Variants in RGS3 observed in about 807,000 individuals in gnomAD.
The protein encoded by RGS3 is regulator of G-protein signalling 3.
A neutral mutation model predicts 132.6 loss-of-function variants in RGS3; 80 were observed. The observed-to-expected ratio is 0.60, with a 90% CI of 0.50 to 0.73. The LOEUF is 0.73. Among genes scored for constraint, RGS3 ranks in the 30% least tolerant of loss-of-function variants. RGS3 has a pLI of 0.00. For synonymous variants in RGS3, 598 were observed against 620.6 expected (o/e 0.96, Z 0.54); for missense variants, 1,382 against 1,530.8 (o/e 0.90, Z 1.62).
chr9:113,536,481 T>A, intron 18 of RGS3: 1 of 1,046,278 alleles, frequency 9.6e-7, no homozygotes, highest in Non-Finnish European at 1.2e-6. Context: ...TGCTTTGTGC[T>A]GCCTGCCCCT....
intron 17 of RGS3, among the ~76,000 whole-genome samples, chr9:113,525,122 G>A (rs1832145477): frequency 6.6e-6 from 1 of 152,160 alleles, no homozygotes; most frequent in Non-Finnish European, 1.5e-5. Context: ...GGTTGGTGTG[G>A]GAGAGGGGCC....
Position 113,510,940 on chromosome 9 carries a change from C to A in RGS3, c.1477+2360C>A, listed in dbSNP as rs77241884. Among the ~76,000 whole-genome samples the A allele has an allele frequency of 1.1e-3, 171 of 152,314 alleles. 1 individual carries two copies. In the East Asian group the frequency reaches 0.029, roughly 25 times the overall value. ...TTCCCTTAAACACACTTGGGATTGT[C>A]CAGAGGTTAAGGCTGTCACCAGGGT... On this transcript the variant is annotated intron_variant, in intron 14 of 24. Coordinates refer to ENST00000350696, the Ensembl canonical transcript of RGS3.
chr9:113,575,951 T>C (rs531264220), intron 19 of RGS3, among the ~76,000 whole-genome samples: 12 of 152,116 alleles, frequency 7.9e-5, no homozygotes, highest in Non-Finnish European at 1.5e-4. Context: ...ATCCAGTGGG[T>C]GTGAATTGAG....
At chr9:113,485,875 G>A (rs1421940980) in intron 7 of RGS3, among the ~76,000 whole-genome samples, 182 bp downstream of exon 5, 2 of 152,194 alleles carry the variant, frequency 1.3e-5, no homozygotes, top group East Asian at 3.8e-4. Flanking sequence ...ACCAAGGACT[G>A]TGTTATCAAT....
intron 19 of RGS3, among the ~76,000 whole-genome samples, chr9:113,539,383 C>A (rs1014729724): frequency 1.3e-5 from 2 of 152,156 alleles, no homozygotes; most frequent in Non-Finnish European, 2.9e-5. Context: ...GATCTCAGCT[C>A]GCTGCAGCCT....
At chr9:113,446,654 A>G (rs887925841) in intron 1 of RGS3, among the ~76,000 whole-genome samples, 2 of 152,162 alleles carry the variant, frequency 1.3e-5, no homozygotes, top group African/African-American at 2.4e-5. Context: ...GTCTGTGCCT[A>G]TTGTTTTCAT....
intron 19 of RGS3, among the ~76,000 whole-genome samples, chr9:113,562,683 ATCTT>A (rs1833845136): frequency 6.6e-6 from 1 of 152,062 alleles, no homozygotes; most frequent in Non-Finnish European, 1.5e-5. Context: ...GGCCACCTAG[ATCTT>A]ACCACTCTCT....
chr9:113,594,097 G>C (rs765245767), intron 21 of RGS3: 6 of 1,612,888 alleles, frequency 3.7e-6, no homozygotes, highest in Non-Finnish European at 5.1e-6. Flanking sequence ...CCTCCTGTCT[G>C]AGTCCCAGCC....
intron 20 of RGS3, among the ~76,000 whole-genome samples, chr9:113,589,517 G>T (rs928797206): frequency 2.0e-5 from 3 of 152,320 alleles, no homozygotes; most frequent in Admixed American, 2.0e-4. Context: ...TCCCAGCAGC[G>T]CAGAGGCTGA....
At chr9:113,584,474 A>T (rs1835019938) in intron 20 of RGS3, 47 bp downstream of exon 18, 4 of 1,485,692 alleles carry the variant, frequency 2.7e-6, no homozygotes, top group African/African-American at 2.8e-5. Flanking sequence ...CAATGTGGGG[A>T]GGGCTGGCCC....
intron 7 of RGS3, among the ~76,000 whole-genome samples, chr9:113,488,127 A>G (rs1830394774): frequency 2.6e-5 from 4 of 152,086 alleles, no homozygotes; most frequent in Admixed American, 2.6e-4. Flanking sequence ...GGGAAAACAG[A>G]CTCAGGCCAT....
At chr9:113,469,435 G>C (rs979342887) in intron 3 of RGS3, among the ~76,000 whole-genome samples, 3 of 152,182 alleles carry the variant, frequency 2.0e-5, no homozygotes, top group African/African-American at 7.2e-5. Flanking sequence ...CTGCTCAGGA[G>C]CTTTCAGAAA....
Position 113,497,226 on chromosome 9 carries a change from G to A in RGS3, c.751-88G>A, listed in dbSNP as rs373736873. On this transcript the variant is annotated intron_variant, in intron 8 of 24. Transcript: ENST00000350696. ...TGTCTCTCCTGTGGGTGGGTGTCCA[G>A]TGGCTACTTTTGGAGGGGGATTGGT... 42 of 1,040,712 alleles carry A rather than the reference G, an allele frequency of 4.0e-5. 1 individual carries two copies. Among genetic ancestry groups the A allele is most frequent in the East Asian group, 3.6e-4 (15 of 41,208 alleles). The allele number at this position is 1,040,712 out of a possible 1,614,324, so 64.5% of individuals were successfully genotyped here.
chr9:113,522,858 C>A, intron 16 of RGS3, 72 bp from the exon 15 acceptor site: 1 of 954,406 alleles, frequency 1.0e-6, no homozygotes. Context: ...CCCACCTTCT[C>A]GGGGAGGTTG....
At chr9:113,473,224 C>A (rs1763522050) in intron 3 of RGS3, among the ~76,000 whole-genome samples, 1 of 152,190 alleles carries the variant, frequency 6.6e-6, no homozygotes, top group African/African-American at 2.4e-5. Flanking sequence ...AAGGGAGGAA[C>A]TAGGCTTCAC....
intron 10 of RGS3, chr9:113,501,732 C>G (rs1258270146): frequency 6.5e-6 from 8 of 1,226,836 alleles, no homozygotes; most frequent in Non-Finnish European, 9.2e-6. Flanking sequence ...CTTCTTTGAC[C>G]TTTCCTGCTC....
intron 19 of RGS3, among the ~76,000 whole-genome samples, chr9:113,574,909 A>AC (rs1412162711): frequency 1.3e-5 from 2 of 151,778 alleles, no homozygotes; most frequent in Non-Finnish European, 2.9e-5. Flanking sequence ...GAAGCTAGGA[A>AC]CCCCCCTGCT....
intron 19 of RGS3, among the ~76,000 whole-genome samples, chr9:113,553,474 ATATATATATATATATATG>A (rs1296926544): frequency 1.7e-4 from 20 of 115,400 alleles, no homozygotes; most frequent in African/African-American, 7.2e-4. Context: ...ATATATATAT[ATATATATATATATATATG>A]TATATATAAT....
At chr9:113,541,334 C>G in intron 19 of RGS3, 1 of 1,613,300 alleles carries the variant, frequency 6.2e-7, no homozygotes, top group Non-Finnish European at 8.5e-7. Flanking sequence ...TCCACCCTTT[C>G]GGCTCTCTCC....
Sources: allele counts gnomAD v4.1 joint callset (sites outside exome capture counted in the v4.1 genomes callset), GRCh38; gene constraint gnomAD v4.1.1; transcripts MANE v1.5; gene names NCBI Gene and HGNC (gene_info 2026-07-23, HGNC 2026-07-21).